Variants in NRXN3 observed in about 807,000 individuals in gnomAD.
The protein encoded by NRXN3 is neurexin 3.
In NRXN3, 32 loss-of-function variants were observed where a neutral mutation model predicts 137.6. The observed-to-expected ratio is 0.23, with a 90% CI of 0.18 to 0.31. NRXN3 has a LOEUF of 0.31. Ranked by LOEUF, NRXN3 falls within the 10% of genes least tolerant of loss-of-function variation. The pLI, the probability that NRXN3 is intolerant of heterozygous loss-of-function variation, is 1.00. For synonymous variants in NRXN3, 798 were observed against 784.5 expected (o/e 1.02, Z -0.29); for missense variants, 1,574 against 2,062.5 (o/e 0.76, Z 4.59).
intron 16 of NRXN3, among the ~76,000 whole-genome samples, chr14:79,624,390 T>C (rs1248451187): frequency 6.6e-6 from 1 of 152,122 alleles, no homozygotes; most frequent in Non-Finnish European, 1.5e-5. Context: ...ATAGGTCAGC[T>C]TTTTTATTGT....
At chr14:79,160,681 A>G (rs904326823) in intron 15 of NRXN3, among the ~76,000 whole-genome samples, 1 of 151,934 alleles carries the variant, frequency 6.6e-6, no homozygotes, top group Admixed American at 6.6e-5. Flanking sequence ...AAAAAAAAAC[A>G]CTTGCCATCT....
At chr14:79,791,496 TTA>T (rs1467058838) in intron 19 of NRXN3, among the ~76,000 whole-genome samples, 1 of 145,932 alleles carries the variant, frequency 6.9e-6, no homozygotes, top group Non-Finnish European at 1.5e-5. Context: ...TTATAATTAA[TTA>T]TATATTGTAA....
chr14:78,840,584 G>A (rs1048074363), intron 10 of NRXN3, among the ~76,000 whole-genome samples: 1 of 152,124 alleles, frequency 6.6e-6, no homozygotes, highest in African/African-American at 2.4e-5. Context: ...GTTGGCAAGA[G>A]TATGCTTTGT....
intron 15 of NRXN3, among the ~76,000 whole-genome samples, chr14:79,235,075 G>C (rs2073138938): frequency 6.6e-6 from 1 of 151,994 alleles, no homozygotes; most frequent in Non-Finnish European, 1.5e-5. Context: ...ACTTGAAATT[G>C]AATGAATTCC....
chr14:78,458,646 C>T (rs144883723), intron 4 of NRXN3, among the ~76,000 whole-genome samples: 63 of 152,276 alleles, frequency 4.1e-4, no homozygotes, highest in African/African-American at 1.1e-3. Context: ...TTAAGATTTT[C>T]GTACAAAGCA....
intron 16 of NRXN3, among the ~76,000 whole-genome samples, chr14:79,518,111 G>T (rs920981670): frequency 9.9e-5 from 15 of 151,674 alleles, no homozygotes; most frequent in African/African-American, 3.6e-4. Context: ...CATCATGTTG[G>T]TCAGGCAGGT....
chr14:78,805,187 A>G (rs1289587055), intron 9 of NRXN3, among the ~76,000 whole-genome samples: 2 of 151,682 alleles, frequency 1.3e-5, no homozygotes, highest in Non-Finnish European at 2.9e-5. Context: ...TCTAGTTTTC[A>G]GTGTTTACAG....
chr14:79,554,971 T>C (rs2097414257), intron 16 of NRXN3, among the ~76,000 whole-genome samples: 1 of 152,154 alleles, frequency 6.6e-6, no homozygotes, highest in Non-Finnish European at 1.5e-5. Flanking sequence ...AGCTATGACA[T>C]CATCAAATTA....
intron 19 of NRXN3, among the ~76,000 whole-genome samples, chr14:79,718,517 A>G (rs1393828320): frequency 6.6e-6 from 1 of 152,184 alleles, no homozygotes; most frequent in Non-Finnish European, 1.5e-5. Flanking sequence ...AATATTGTAA[A>G]GCAGCAAGAG....
intron 16 of NRXN3, among the ~76,000 whole-genome samples, chr14:79,473,570 A>G (rs1321457813): frequency 1.3e-5 from 2 of 152,142 alleles, no homozygotes; most frequent in African/African-American, 2.4e-5. Flanking sequence ...TGAGTCAAGA[A>G]CTGTATTTGG....
chr14:78,907,363 C>A (rs1398408624), intron 10 of NRXN3, among the ~76,000 whole-genome samples: 2 of 151,976 alleles, frequency 1.3e-5, no homozygotes, highest in African/African-American at 4.8e-5. Context: ...CTCCATCACA[C>A]CGGTTTTCTA....
intron 15 of NRXN3, among the ~76,000 whole-genome samples, chr14:79,207,005 T>C (rs2066887721): frequency 6.6e-6 from 1 of 152,168 alleles, no homozygotes. Context: ...TCACAAACTT[T>C]CCCACATCCA....
chr14:79,140,682 C>G (rs2058709580), intron 15 of NRXN3, among the ~76,000 whole-genome samples: 1 of 150,880 alleles, frequency 6.6e-6, no homozygotes, highest in African/African-American at 2.4e-5. Context: ...TAAATAAAAA[C>G]TACTGTATAA....
At chr14:79,679,719 T>C (rs115165305) in intron 17 of NRXN3, among the ~76,000 whole-genome samples, 1,609 of 152,292 alleles carry the variant, frequency 0.011, 20 homozygotes, top group African/African-American at 0.034. Context: ...TAAGGACTAA[T>C]ATTCAATACA....
At chr14:79,372,958 C>T (rs565058795) in intron 15 of NRXN3, among the ~76,000 whole-genome samples, 24 of 152,110 alleles carry the variant, frequency 1.6e-4, no homozygotes, top group African/African-American at 5.3e-4. Flanking sequence ...TAAGATATCA[C>T]CCCTGACAAA....
intron 15 of NRXN3, among the ~76,000 whole-genome samples, chr14:79,248,214 TG>T (rs2153367425): frequency 6.6e-6 from 1 of 152,282 alleles, no homozygotes; most frequent in African/African-American, 2.4e-5. Context: ...ACAATACAAA[TG>T]TGTTATGATT....
At chr14:79,698,563 C>A (rs376600238) in intron 19 of NRXN3, among the ~76,000 whole-genome samples, 2 of 151,934 alleles carry the variant, frequency 1.3e-5, no homozygotes, top group African/African-American at 2.4e-5. Flanking sequence ...TTGGCTATAC[C>A]GGAAGTCCTT....
intron 15 of NRXN3, among the ~76,000 whole-genome samples, chr14:79,358,608 A>AAAGAAG (rs1555397486): frequency 8.9e-4 from 4 of 4,502 alleles, no homozygotes; most frequent in African/African-American, 2.2e-3. Flanking sequence ...AGAAAGAAAG[A>AAAGAAG]GAAAGAAAGA....
chr14:78,794,777 A>G (rs1040569472), intron 8 of NRXN3, among the ~76,000 whole-genome samples: 1 of 152,062 alleles, frequency 6.6e-6, no homozygotes, highest in African/African-American at 2.4e-5. Flanking sequence ...GTACTATTTA[A>G]CAAAATTAAA....
Sources: gnomAD v4.1 joint callset for allele counts (sites outside exome capture counted in the v4.1 genomes callset) on GRCh38, gnomAD v4.1.1 for gene constraint, MANE v1.5 for transcripts, NCBI Gene and HGNC (gene_info 2026-07-23, HGNC 2026-07-21) for gene names.